The following ABLIM2 variants were observed in gnomAD, a reference collection of about 807,000 sequenced individuals.
ABLIM2 encodes actin binding LIM protein family member 2, also known as actin-binding LIM protein 2.
In ABLIM2, 53 loss-of-function variants were observed where a neutral mutation model predicts 97.7. That is an observed-to-expected ratio of 0.54 (90% CI 0.44 to 0.68). ABLIM2 has a LOEUF of 0.68. Ranked by LOEUF, ABLIM2 falls within the 30% of genes least tolerant of loss-of-function variation. The probability of loss-of-function intolerance (pLI) is 0.00; values close to 1 mark genes in which losing one functional copy is unlikely to be tolerated. For missense variants in ABLIM2, 835 were observed against 867.2 expected (o/e 0.96, Z 0.47); for synonymous variants, 361 against 345.8 (o/e 1.04, Z -0.49).
At chr4:8,152,155 T>A (rs1713115423) in intron 1 of ABLIM2, among the ~76,000 whole-genome samples, 1 of 151,968 alleles carries the variant, frequency 6.6e-6, no homozygotes, top group Non-Finnish European at 1.5e-5. Flanking sequence ...GGGCCAGGCT[T>A]TATCCACACC....
chr4:8,008,324 T>C (rs554813660), intron 15 of ABLIM2, 124 bp from the exon 16 acceptor site: 7 of 906,350 alleles, frequency 7.7e-6, no homozygotes, highest in Non-Finnish European at 1.2e-5. Flanking sequence ...GTGAGAAAAC[T>C]CAATATGTGA....
Position 8,071,731 on chromosome 4 carries a change from C to T in ABLIM2, c.675+5897G>A, listed in dbSNP as rs1381479084. 3 of 985,308 alleles carry T rather than the reference C, an allele frequency of 3.0e-6. No individual in the cohort carries two copies. The highest frequency in any genetic ancestry group is 1.7e-5 in the African/African-American group (1 of 57,208). 61.0% of individuals were successfully genotyped at this position (985,308 alleles called of 1,614,324 possible). On this transcript the variant is annotated intron_variant, in intron 6 of 20. Transcript: ENST00000447017. This position sits in a 1 kb window ranked among gnomAD's most constrained non-coding sequence, Gnocchi z 6.2. ...CAGCCCCTCCTGGCCCCTGTGAGCC[C>T]CCATCAGCCCCTTGGAGTTGCGGGC...
chr4:7,977,606 A>G (rs959435655), intron 20 of ABLIM2, among the ~76,000 whole-genome samples: 9 of 152,030 alleles, frequency 5.9e-5, no homozygotes, highest in African/African-American at 2.2e-4. Context: ...CCTGGCCACC[A>G]TGGTGAAACC....
intron 17 of ABLIM2, among the ~76,000 whole-genome samples, chr4:7,985,705 C>A (rs1241567088): frequency 6.6e-6 from 1 of 152,182 alleles, no homozygotes; most frequent in Non-Finnish European, 1.5e-5. Flanking sequence ...GTGTCTCTGA[C>A]AATGACTAAG....
intron 4 of ABLIM2, among the ~76,000 whole-genome samples, chr4:8,084,502 C>T (rs901360687): frequency 6.6e-6 from 1 of 152,190 alleles, no homozygotes; most frequent in African/African-American, 2.4e-5. Flanking sequence ...AGGGGCTCCA[C>T]GTGCCACAGC....
At chr4:8,156,710 A>T (rs1715480470) in intron 1 of ABLIM2, among the ~76,000 whole-genome samples, 1 of 152,220 alleles carries the variant, frequency 6.6e-6, no homozygotes, top group Non-Finnish European at 1.5e-5. Context: ...GAATAATGCC[A>T]GCGGGTGTGG....
intron 1 of ABLIM2, among the ~76,000 whole-genome samples, chr4:8,154,281 C>CTTTTTTTTTT (rs34112937): frequency 9.6e-5 from 11 of 114,508 alleles, no homozygotes; most frequent in Non-Finnish European, 1.2e-4. Context: ...CTTTTCTTTT[C>CTTTTTTTTTT]TTTTTTTTTT....
In ABLIM2 at chr4:8,077,639, G is replaced by T. The variant is rs774227789; in HGVS notation, c.664C>A (p.Arg222Ser). ...CCCGCCGCGCTTACCTCCAGCACGC[G>T]CCCCGTGATGTATTTCTCACAGCTG... ...CDSCEKYITG[R>S]VLEAGEKHYH... Residue 222 changes from arginine (R) to serine (S), a missense_variant, in exon 6 of 21, where the codon CGC (arginine) becomes AGC (serine). Coordinates refer to ENST00000447017, the MANE Select transcript of ABLIM2 (RefSeq NM_001130083.2). 3 of 1,610,918 alleles carry T rather than the reference G, an allele frequency of 1.9e-6. No individual in the cohort carries two copies. The highest frequency in any genetic ancestry group is 8.5e-7 in the Non-Finnish European group (1 of 1,178,498).
rs368007412 is a variant in ABLIM2 at position 8,106,548 on chromosome 4, C to T, written c.100G>A (p.Glu34Lys). 4.4e-5 allele frequency: 70 copies of T among 1,606,134 alleles called. No individual in the cohort carries two copies. The highest frequency in any genetic ancestry group is 1.8e-4 in the East Asian group (8 of 44,574). The change falls in exon 2 of 21, where the codon GAG becomes AAG. Residue 34 changes from glutamate to lysine, a missense_variant. Physicochemically the swap from Glu to Lys is moderately conservative, Grantham distance 56. Transcript: ENST00000447017. ...TACTTGTCCTGCACCCGCAGCACCT[C>T]GCCCTTGCACACATTCCCACACGTG... is the stretch of plus-strand genomic sequence containing the variant. Reference protein sequence around the residue: ...CNTCGNVCKGEVLRVQDKYFH... With the variant: ...CNTCGNVCKGKVLRVQDKYFH...
In ABLIM2 at chr4:8,022,454, G is replaced by T. The variant is rs1055480499; in HGVS notation, c.1268-2151C>A. Among the ~76,000 whole-genome samples the T allele has an allele frequency of 2.6e-5, 4 of 152,200 alleles. No individual in the cohort carries two copies. Among genetic ancestry groups the T allele is most frequent in the African/African-American group, 9.7e-5 (4 of 41,442 alleles). The stretch of plus-strand genomic sequence containing the variant: ...CAGCTTTCATCAGATACTTGGAGGG[G>T]CCTGAGGCCGCAGGGAAGCTGGGGA... On this transcript the variant is annotated intron_variant, in intron 12 of 20. Coordinates refer to ENST00000447017, the MANE Select transcript of ABLIM2 (RefSeq NM_001130083.2). The surrounding 1 kb of genome is among the most constrained non-coding windows in gnomAD (Gnocchi z 7.8).
intron 9 of ABLIM2, among the ~76,000 whole-genome samples, chr4:8,040,610 CAAAAA>C (rs58125904): frequency 7.6e-6 from 1 of 132,406 alleles, no homozygotes; most frequent in Non-Finnish European, 1.6e-5. Context: ...GACTCCATTT[CAAAAA>C]AAAAAAAAAG....
Position 8,124,727 on chromosome 4 carries a change from G to A in ABLIM2, c.11-18090C>T, listed in dbSNP as rs1311324787. The stretch of plus-strand genomic sequence containing the variant: ...AACACGGCTATGAACATTCGAGTGT[G>A]AATATTCGTGTGGACATAGGTTTGC... On this transcript the variant is annotated intron_variant, in intron 1 of 20. Transcript: ENST00000447017. This position sits in a 1 kb window ranked among gnomAD's most constrained non-coding sequence, Gnocchi z 6.1. Among the ~76,000 whole-genome samples, 1 of 152,200 alleles carries A rather than the reference G, an allele frequency of 6.6e-6. No homozygotes were observed. Among genetic ancestry groups the A allele is most frequent in the Non-Finnish European group, 1.5e-5 (1 of 68,042 alleles).
Position 8,140,250 on chromosome 4 carries a change from C to G in ABLIM2, c.10+18430G>C, listed in dbSNP as rs567806304. On this transcript the variant is annotated intron_variant, in intron 1 of 20. Coordinates refer to ENST00000447017, the MANE Select transcript of ABLIM2 (RefSeq NM_001130083.2). This position sits in a 1 kb window ranked among gnomAD's most constrained non-coding sequence, Gnocchi z 5.9. ...CATGTCCTGCACATGTATCCCAGAACTTAAAGTAAAATAAAATTAAGAAAA... is the reference window on the plus strand; with the variant it reads ...CATGTCCTGCACATGTATCCCAGAAGTTAAAGTAAAATAAAATTAAGAAAA... Among the ~76,000 whole-genome samples, 160 of 152,250 alleles carry G rather than the reference C, an allele frequency of 1.1e-3. No individual in the cohort carries two copies. Among genetic ancestry groups the G allele is most frequent in the African/African-American group, 3.7e-3 (155 of 41,532 alleles).
rs543251100 is a variant in ABLIM2, at chr4:8,069,127, C to T, written c.676-8073G>A. 2.6e-5 allele frequency among the ~76,000 whole-genome samples: 4 copies of T among 152,362 alleles called. No individual in the cohort carries two copies. Among genetic ancestry groups the T allele is most frequent in the South Asian group, 2.1e-4 (1 of 4,834 alleles). The stretch of plus-strand genomic sequence containing the variant: ...AGCACACTCACTCCTGGCCCCACTG[C>T]CTCTTCCTCTCTACCCAGCTCCCGT... On this transcript the variant is annotated intron_variant, in intron 6 of 20. Coordinates refer to ENST00000447017, the MANE Select transcript of ABLIM2 (RefSeq NM_001130083.2). The surrounding 1 kb of genome is among the most constrained non-coding windows in gnomAD (Gnocchi z 4.2).
At chr4:8,025,649 G>A (rs1776834679) in intron 12 of ABLIM2, among the ~76,000 whole-genome samples, 1 of 152,192 alleles carries the variant, frequency 6.6e-6, no homozygotes, top group Non-Finnish European at 1.5e-5. Flanking sequence ...AGGAGGGGAG[G>A]GTCGCCAGGG....
rs367959889 is a variant in ABLIM2 at position 7,998,878 on chromosome 4, G to A, written c.1619-5951C>T. On this transcript the variant is annotated intron_variant, in intron 16 of 20. Coordinates refer to ENST00000447017, the MANE Select transcript of ABLIM2 (RefSeq NM_001130083.2). The surrounding 1 kb of genome is among the most constrained non-coding windows in gnomAD (Gnocchi z 6.4). The stretch of plus-strand genomic sequence containing the variant: ...GTTGTCCTGTGACCAACCGTCTGCC[G>A]TATCATTTGCAGGTCCGTTTAGCTG... 1.3e-5 allele frequency among the ~76,000 whole-genome samples: 2 copies of A among 152,282 alleles called. No individual in the cohort carries two copies. The highest frequency in any genetic ancestry group is 2.1e-4 in the South Asian group (1 of 4,824).
At chr4:8,036,858 GCACA>G (rs957124175) in intron 9 of ABLIM2, among the ~76,000 whole-genome samples, 3 of 151,300 alleles carry the variant, frequency 2.0e-5, no homozygotes, top group Non-Finnish European at 4.4e-5. Flanking sequence ...CACACACACT[GCACA>G]CACAAACACA....
chr4:8,050,679 G>T, intron 8 of ABLIM2, among the ~76,000 whole-genome samples: 1 of 152,158 alleles, frequency 6.6e-6, no homozygotes, highest in Non-Finnish European at 1.5e-5. Flanking sequence ...TGCACCTGAC[G>T]GAACAAAACA....
chr4:8,137,729 T>C (rs1850385825), intron 1 of ABLIM2, among the ~76,000 whole-genome samples: 1 of 152,224 alleles, frequency 6.6e-6, no homozygotes, highest in Non-Finnish European at 1.5e-5. Context: ...AAGTGTCAAA[T>C]GGTGCAGCCA....
Sources: allele counts gnomAD v4.1 joint callset (sites outside exome capture counted in the v4.1 genomes callset), GRCh38; gene constraint gnomAD v4.1.1; non-coding constraint Gnocchi (gnomAD v3.1); transcripts MANE v1.5; gene names NCBI Gene and HGNC (gene_info 2026-07-23, HGNC 2026-07-21).